Variants in FAF1 observed in about 807,000 individuals in gnomAD.
The protein encoded by FAF1 is FAS-associated factor 1.
FAF1 carries 25 observed loss-of-function variants against 92.5 expected under a neutral mutation model. The observed-to-expected ratio is 0.27, with a 90% CI of 0.20 to 0.38. FAF1 has a LOEUF of 0.38. FAF1 is among the 10% of genes least tolerant of loss of function. The pLI is 1.00. For missense variants in FAF1, 636 were observed against 793.3 expected, an observed-to-expected ratio of 0.80 and a Z score of 2.38; for synonymous variants, 234 against 273.2, an observed-to-expected ratio of 0.86 and a Z score of 1.42.
intron 1 of FAF1, among the ~76,000 whole-genome samples, chr1:50,863,578 G>A (rs999011560): frequency 6.6e-6 from 1 of 151,954 alleles, no homozygotes; most frequent in Non-Finnish European, 1.5e-5. Context: ...ACAAAAAGCT[G>A]CTTCTTTGAA....
intron 2 of FAF1, among the ~76,000 whole-genome samples, chr1:50,842,442 A>G (rs978046029): frequency 6.6e-6 from 1 of 152,148 alleles, no homozygotes; most frequent in Non-Finnish European, 1.5e-5. Flanking sequence ...ATATTTTAAT[A>G]CTACATGCAT....
chr1:50,823,236 T>C (rs1333153826), intron 2 of FAF1, among the ~76,000 whole-genome samples: 1 of 152,184 alleles, frequency 6.6e-6, no homozygotes, highest in Non-Finnish European at 1.5e-5. Context: ...ACCCTGAATA[T>C]AGCTGCCTAC....
chr1:50,751,393 A>G (rs113899460), intron 4 of FAF1, among the ~76,000 whole-genome samples: 71,731 of 152,030 alleles, frequency 0.47, 19,168 homozygotes, highest in African/African-American at 0.72. Context: ...GGAGTGCAGC[A>G]GCATGATCTC....
chr1:50,470,257 T>A (rs1455041482), intron 18 of FAF1, among the ~76,000 whole-genome samples: 4 of 152,204 alleles, frequency 2.6e-5, no homozygotes, highest in African/African-American at 7.2e-5. Flanking sequence ...ACTCTAATTT[T>A]AAAATGGAAC....
At chr1:50,757,253 A>C (rs951872764) in intron 4 of FAF1, among the ~76,000 whole-genome samples, 1 of 152,160 alleles carries the variant, frequency 6.6e-6, no homozygotes, top group Non-Finnish European at 1.5e-5. Flanking sequence ...AGTAAGTCAA[A>C]TTGGTTTCTA....
intron 1 of FAF1, among the ~76,000 whole-genome samples, chr1:50,859,344 G>C (rs1644414378): frequency 6.6e-6 from 1 of 151,790 alleles, no homozygotes; most frequent in Non-Finnish European, 1.5e-5. Flanking sequence ...TAAATAATAT[G>C]ATTCTGTATC....
intron 8 of FAF1, among the ~76,000 whole-genome samples, chr1:50,625,656 A>T (rs1557442281): frequency 6.6e-6 from 1 of 152,202 alleles, no homozygotes; most frequent in Non-Finnish European, 1.5e-5. Context: ...GCAAGAAAAA[A>T]GGTAACACAT....
At chr1:50,801,051 T>A (rs1661970020) in intron 3 of FAF1, among the ~76,000 whole-genome samples, 1 of 152,238 alleles carries the variant, frequency 6.6e-6, no homozygotes, top group Admixed American at 6.5e-5. Flanking sequence ...GCAACTATTA[T>A]AATTCTCTTG....
rs1389092519 is a variant in FAF1, at chr1:50,562,944, A to G, written c.1268+4133T>C. On this transcript the variant is annotated intron_variant, in intron 13 of 18. Coordinates refer to ENST00000396153, the MANE Select transcript of FAF1 (RefSeq NM_007051.3). The stretch of plus-strand genomic sequence containing the variant: ...AATTGTGTCTATACTGAACATGTAC[A>G]CTTTTTCCTTGTCATTTTACCTAAA... Among the ~76,000 whole-genome samples, 5 of 152,226 alleles carry G rather than the reference A, an allele frequency of 3.3e-5. No individual in the cohort carries two copies. The East Asian group carries it at 9.6e-4, about 29-fold the overall frequency.
chr1:50,697,871 A>AT (rs1431821083), intron 7 of FAF1, among the ~76,000 whole-genome samples: 1 of 152,154 alleles, frequency 6.6e-6, no homozygotes, highest in Non-Finnish European at 1.5e-5. Flanking sequence ...GAGCAGCAGG[A>AT]TTTTTTAAAA....
In FAF1 at chr1:50,624,897, CTTTTTTT is replaced by C. The variant is rs34177866; in HGVS notation, c.745-28688_745-28682del. On this transcript the variant is annotated intron_variant, in intron 8 of 18. Coordinates refer to ENST00000396153, the MANE Select transcript of FAF1 (RefSeq NM_007051.3). ...TTATACAGCACTAGAATCCCACACTCTTTTTTTTTTTTTTTTTTTTTGAGAAGCAGTT... is the reference window on the plus strand; with the variant it reads ...TTATACAGCACTAGAATCCCACACTCTTTTTTTTTTTTTTGAGAAGCAGTT... Among the ~76,000 whole-genome samples the C allele has an allele frequency of 4.0e-5, 5 of 124,772 alleles. No homozygotes were observed. In the East Asian group the frequency reaches 1.1e-3, roughly 28 times the overall value. 81.9% of individuals were successfully genotyped at this position (124,772 alleles called of 152,430 possible). A position where few individuals can be genotyped will look rare whatever the true frequency, so the allele number is the denominator to read the frequency against.
intron 9 of FAF1, among the ~76,000 whole-genome samples, chr1:50,595,274 G>C (rs982573896): frequency 6.6e-6 from 1 of 151,920 alleles, no homozygotes; most frequent in East Asian, 1.9e-4. Context: ...GGCTGGTCTC[G>C]AACTCCTGAC....
chr1:50,590,719 C>T (rs761836851), intron 9 of FAF1, among the ~76,000 whole-genome samples: 13 of 151,772 alleles, frequency 8.6e-5, no homozygotes, highest in African/African-American at 1.2e-4. Context: ...CCGTGGCTCA[C>T]GCCTGTAATC....
chr1:50,763,500 C>T (rs1331033559), intron 4 of FAF1, among the ~76,000 whole-genome samples: 1 of 152,048 alleles, frequency 6.6e-6, no homozygotes, highest in East Asian at 1.9e-4. Context: ...AAATTTCCCC[C>T]TTTCCACTCT....
chr1:50,653,657 G>C (rs992270134), intron 8 of FAF1, among the ~76,000 whole-genome samples: 2 of 152,126 alleles, frequency 1.3e-5, no homozygotes, highest in African/African-American at 4.8e-5. Context: ...CCTTAGGTCA[G>C]GAGTTCAAGA....
intron 8 of FAF1, among the ~76,000 whole-genome samples, chr1:50,598,820 A>C (rs1011780593): frequency 2.6e-5 from 4 of 152,082 alleles, no homozygotes; most frequent in African/African-American, 9.7e-5. Flanking sequence ...AATACAAAAA[A>C]TTAGCCGGGC....
At chr1:50,741,818 G>T (rs575108344) in intron 5 of FAF1, among the ~76,000 whole-genome samples, 1 of 152,216 alleles carries the variant, frequency 6.6e-6, no homozygotes. Context: ...AGAGATATGG[G>T]ATAGGAGGGA....
At chr1:50,846,719 C>T (rs1644304624) in intron 2 of FAF1, 3 of 629,654 alleles carry the variant, frequency 4.8e-6, no homozygotes, top group Admixed American at 1.9e-5. Context: ...CTTCTCCAAA[C>T]GTAGATGTGA....
At chr1:50,841,963 G>A (rs1200612684) in intron 2 of FAF1, among the ~76,000 whole-genome samples, 1 of 152,016 alleles carries the variant, frequency 6.6e-6, no homozygotes, top group Non-Finnish European at 1.5e-5. Context: ...GACTAAGAAT[G>A]CTGGATCATT....
Sources: allele counts gnomAD v4.1 joint callset (sites outside exome capture counted in the v4.1 genomes callset), GRCh38; gene constraint gnomAD v4.1.1; transcripts MANE v1.5; gene names NCBI Gene and HGNC (gene_info 2026-07-23, HGNC 2026-07-21).